HS2ST1: variants seen among roughly 807,000 people sequenced by gnomAD.
The protein encoded by HS2ST1 is 2-O-sulfotransferase.
HS2ST1 carries 18 observed loss-of-function variants against 42.9 expected under a neutral mutation model. That is an observed-to-expected ratio of 0.42 (90% confidence interval 0.29 to 0.62). The LOEUF (loss-of-function observed/expected upper bound fraction) is 0.62. Ranked by LOEUF, HS2ST1 falls within the 20% of genes least tolerant of loss-of-function variation. HS2ST1 has a pLI of 0.21. For synonymous variants in HS2ST1, 146 were observed against 152.9 expected (o/e 0.95, Z 0.33); for missense variants, 334 against 433.8 (o/e 0.77, Z 2.04).
intron 1 of HS2ST1, among the ~76,000 whole-genome samples, chr1:87,027,323 A>G (rs1650112962): frequency 6.6e-6 from 1 of 152,208 alleles, no homozygotes; most frequent in Admixed American, 6.5e-5. Context: ...TAAGATAAGC[A>G]CTATAATTAA....
chr1:86,992,768 C>G (rs558597592), intron 1 of HS2ST1, among the ~76,000 whole-genome samples: 1 of 152,282 alleles, frequency 6.6e-6, no homozygotes, highest in African/African-American at 2.4e-5. Context: ...ATGCACAAGA[C>G]AAAACCGTAC....
intron 1 of HS2ST1, among the ~76,000 whole-genome samples, chr1:87,030,413 G>A (rs1047133487): frequency 2.0e-5 from 3 of 151,992 alleles, no homozygotes; most frequent in East Asian, 1.9e-4. Flanking sequence ...CAGGAGGATC[G>A]CTTGAGCCCA....
intron 1 of HS2ST1, among the ~76,000 whole-genome samples, chr1:87,001,253 C>G (rs986400305): frequency 3.9e-5 from 6 of 152,146 alleles, no homozygotes; most frequent in African/African-American, 1.4e-4. Flanking sequence ...CATTGCTTAT[C>G]TTTTTGAACC....
At position 87,061,978 on chromosome 1, in the gene HS2ST1, A is replaced by G. The variant is rs554437696; in HGVS notation, c.125-10956A>G. 3.4e-4 allele frequency among the ~76,000 whole-genome samples: 51 copies of G among 150,422 alleles called. 1 individual carries two copies. In the South Asian group the frequency reaches 0.011, roughly 32 times the overall value. ...TTTAATTATAGCCATCCTAGTGTGT[A>G]TGAAGTGGTACTTTGTTGTGGTTTT... On this transcript the variant is annotated intron_variant, in intron 1 of 6. Coordinates refer to ENST00000370550, the MANE Select transcript of HS2ST1 (RefSeq NM_012262.4).
intron 2 of HS2ST1, among the ~76,000 whole-genome samples, chr1:87,075,313 T>A (rs1218063249): frequency 6.6e-6 from 1 of 151,826 alleles, no homozygotes; most frequent in South Asian, 2.1e-4. Context: ...ATTATAGGCA[T>A]GCGCCACCAC....
chr1:87,084,597 C>G (rs1651769157), intron 3 of HS2ST1, among the ~76,000 whole-genome samples: 1 of 152,164 alleles, frequency 6.6e-6, no homozygotes, highest in Non-Finnish European at 1.5e-5. Context: ...CAGATTATGA[C>G]TTACCACATC....
chr1:87,096,837 C>T (rs1652080710), intron 4 of HS2ST1, among the ~76,000 whole-genome samples: 1 of 152,092 alleles, frequency 6.6e-6, no homozygotes, highest in African/African-American at 2.4e-5. Context: ...AAAATATCAC[C>T]AAATACTCAA....
chr1:87,102,395 C>T lies in HS2ST1; in HGVS notation c.687-1037C>T, dbSNP rs768910680. 2.0e-5 allele frequency among the ~76,000 whole-genome samples: 3 copies of T among 152,262 alleles called. No individual in the cohort carries two copies. The East Asian group carries it at 5.8e-4, about 29-fold the overall frequency. Reference sequence around the variant, plus strand: ...AATAACTAGATCTCTAATGAACTAACTGAGCCAAGAACTCAGTCATCACCA... The same window carrying T: ...AATAACTAGATCTCTAATGAACTAATTGAGCCAAGAACTCAGTCATCACCA... On this transcript the variant is annotated intron_variant, in intron 5 of 6. Coordinates refer to ENST00000370550, the MANE Select transcript of HS2ST1 (RefSeq NM_012262.4).
intron 1 of HS2ST1, among the ~76,000 whole-genome samples, chr1:87,002,128 G>A (rs1467314170): frequency 1.3e-5 from 2 of 149,560 alleles, no homozygotes; most frequent in African/African-American, 4.9e-5. Context: ...TAGCCAGGAT[G>A]GTCTCAATCT....
At chr1:87,086,039 T>C (rs1365228739) in intron 3 of HS2ST1, among the ~76,000 whole-genome samples, 1 of 152,182 alleles carries the variant, frequency 6.6e-6, no homozygotes, top group Non-Finnish European at 1.5e-5. Flanking sequence ...TCAGCCTAGG[T>C]GAAATGTATT....
chr1:86,926,347 C>CA (rs1271987101), intron 1 of HS2ST1, among the ~76,000 whole-genome samples: 1 of 152,184 alleles, frequency 6.6e-6, no homozygotes, highest in Non-Finnish European at 1.5e-5. Context: ...CACTGCCCGG[C>CA]AAACTTCAGC....
chr1:87,100,345 C>A (rs1171128621), intron 5 of HS2ST1, among the ~76,000 whole-genome samples: 1 of 152,182 alleles, frequency 6.6e-6, no homozygotes, highest in Non-Finnish European at 1.5e-5. Flanking sequence ...TATACCTGGA[C>A]TCCTTTGAGC....
At chr1:87,013,359 G>C (rs891704175) in intron 1 of HS2ST1, among the ~76,000 whole-genome samples, 1 of 152,230 alleles carries the variant, frequency 6.6e-6, no homozygotes, top group Non-Finnish European at 1.5e-5. Flanking sequence ...AGCCACCAAG[G>C]CTTGGTGCTT....
intron 1 of HS2ST1, among the ~76,000 whole-genome samples, chr1:87,002,013 C>T (rs949278020): frequency 5.3e-5 from 8 of 150,278 alleles, no homozygotes; most frequent in East Asian, 2.0e-4. Context: ...CCAGGGTTCA[C>T]GCCATTCTCC....
intron 1 of HS2ST1, among the ~76,000 whole-genome samples, chr1:86,915,556 A>G (rs906816696): frequency 6.6e-6 from 1 of 152,184 alleles, no homozygotes; most frequent in Non-Finnish European, 1.5e-5. Context: ...GCAATGTCAG[A>G]TGAGGGGTAT....
At chr1:86,960,227 C>CAAA (rs145286319) in intron 1 of HS2ST1, among the ~76,000 whole-genome samples, 16,861 of 131,182 alleles carry the variant, frequency 0.13, 1,245 homozygotes, top group African/African-American at 0.18. Flanking sequence ...TCCACGCCAC[C>CAAA]AAAAAAAAAA....
Position 86,987,068 on chromosome 1 carries a change from GT to G in HS2ST1, c.124+71927del, listed in dbSNP as rs11423322. Among the ~76,000 whole-genome samples, 173 of 117,206 alleles carry G rather than the reference GT, an allele frequency of 1.5e-3. 1 individual carries two copies. The highest frequency in any genetic ancestry group is 5.0e-3 in the African/African-American group (152 of 30,396). 76.9% of individuals were successfully genotyped at this position (117,206 alleles called of 152,430 possible). On this transcript the variant is annotated intron_variant, in intron 1 of 6. Transcript: ENST00000370550. ...CCACTATTAAGGTTGTGATAGCCAG[GT>G]TTTTTTTTTTTTTTTTTTGAGATAG... is the stretch of plus-strand genomic sequence containing the variant.
rs1335340466 is a variant in HS2ST1, at chr1:87,108,717, A to G, written c.*4021A>G. 1 of 152,144 alleles carries G rather than the reference A, an allele frequency of 6.6e-6. No individual in the cohort carries two copies. The allele number at this position is 152,144 out of a possible 1,614,324, so 9.4% of individuals were successfully genotyped here. ...CTTTGTGGCCTTTGCAGTACTATTT[A>G]TAAAATGGACCCTGATGGTGATGAA... On this transcript the variant is annotated 3_prime_UTR_variant, in exon 7 of 7. Transcript: ENST00000370550.
chr1:87,082,571 T>C (rs1557539904), intron 2 of HS2ST1, among the ~76,000 whole-genome samples: 1 of 152,334 alleles, frequency 6.6e-6, no homozygotes, highest in East Asian at 1.9e-4. Flanking sequence ...TTGCCTTCTT[T>C]TTTCCTCTCA....
Sources: allele counts gnomAD v4.1 joint callset (sites outside exome capture counted in the v4.1 genomes callset), GRCh38; gene constraint gnomAD v4.1.1; transcripts MANE v1.5; gene names NCBI Gene and HGNC (gene_info 2026-07-23, HGNC 2026-07-21).